The following TBCB variants were observed in gnomAD, a reference collection of about 807,000 sequenced individuals.
The protein encoded by TBCB is tubulin folding cofactor B, also known as tubulin-folding cofactor B.
In TBCB, 18 loss-of-function variants were observed where a neutral mutation model predicts 29.2. That is an observed-to-expected ratio of 0.62 (90% CI 0.43 to 0.91). The LOEUF is 0.91. TBCB is among the 40% of genes least tolerant of loss of function. The pLI is 0.00. For missense variants in TBCB, 336 were observed against 337.6 expected (o/e 1.00, Z 0.04); for synonymous variants, 172 against 137.8 (o/e 1.25, Z -1.74).
At chr19:36,124,004 C>G (rs778392634) in intron 4 of TBCB, among the ~76,000 whole-genome samples, 2 of 152,216 alleles carry the variant, frequency 1.3e-5, no homozygotes, top group African/African-American at 2.4e-5. Flanking sequence ...CTTCCCACAG[C>G]CGCTGCAGCA....
intron 2 of TBCB, chr19:36,117,777 T>C (rs1293783510): frequency 1.3e-5 from 2 of 151,916 alleles, no homozygotes; most frequent in African/African-American, 2.4e-5. Flanking sequence ...TATTTTTTAT[T>C]TTTTTTGAGA....
chr19:36,121,498 C>G (rs994012330), intron 3 of TBCB, 29 bp from the exon 4 acceptor site: 1 of 1,539,568 alleles, frequency 6.5e-7, no homozygotes, highest in African/African-American at 1.4e-5. Flanking sequence ...GCCGACACCC[C>G]AACTGACCCC....
chr19:36,119,597 C>CAA (rs1188592482), intron 2 of TBCB, among the ~76,000 whole-genome samples: 1 of 152,134 alleles, frequency 6.6e-6, no homozygotes, highest in Non-Finnish European at 1.5e-5. Context: ...AGATAAAAAC[C>CAA]AAAGTCTAGG....
At chr19:36,115,211 T>C (rs1409608479), upstream of TBCB, 1 of 536,790 alleles carries the variant, frequency 1.9e-6, no homozygotes, top group East Asian at 3.2e-5. Context: ...CCAGTGCGCA[T>C]GCGCGAGTTT....
rs759711385 is a variant in TBCB, at chr19:36,122,571, CA to C, written c.547+872del. ...GCAACATAATGAGACCCTGTCTCTA[CA>C]AAAAAAAAAAAAAAAAAATCCCACA... On this transcript the variant is annotated intron_variant, in intron 4 of 5. Coordinates refer to ENST00000221855, the MANE Select transcript of TBCB (RefSeq NM_001281.3). Among the ~76,000 whole-genome samples the C allele has an allele frequency of 3.7e-3, 340 of 91,540 alleles. 2 individuals carry two copies. The highest frequency in any genetic ancestry group is 7.6e-3 in the African/African-American group (188 of 24,894). 60.1% of individuals were successfully genotyped at this position (91,540 alleles called of 152,430 possible).
At chr19:36,121,829 G>C (rs1364195079) in intron 4 of TBCB, 111 bp downstream of exon 4, 5 of 1,350,868 alleles carry the variant, frequency 3.7e-6, no homozygotes, top group Non-Finnish European at 4.1e-6. Context: ...GCGCGGGGTT[G>C]GGGGGGACTC....
intron 4 of TBCB, among the ~76,000 whole-genome samples, chr19:36,122,401 T>C (rs1281788014): frequency 6.6e-6 from 1 of 151,294 alleles, no homozygotes; most frequent in African/African-American, 2.4e-5. Context: ...GCTATGATTG[T>C]GTCATTGCAC....
At chr19:36,116,369 G>C (rs1599862321) in intron 2 of TBCB, 185 bp downstream of exon 2, 6 of 727,516 alleles carry the variant, frequency 8.2e-6, no homozygotes, top group East Asian at 3.1e-5. Flanking sequence ...TCTGGGCTGG[G>C]ATCAGGAAAT....
chr19:36,121,894 A>G (rs1370877484), intron 4 of TBCB, 176 bp downstream of exon 4: 9 of 850,938 alleles, frequency 1.1e-5, no homozygotes, highest in Non-Finnish European at 1.6e-5. Context: ...CTGACGGCCC[A>G]GAGTGTTTGT....
intron 4 of TBCB, 40 bp downstream of exon 4, chr19:36,121,758 C>T (rs771802288): frequency 6.5e-7 from 1 of 1,547,618 alleles, no homozygotes; most frequent in Admixed American, 2.0e-5. Context: ...TCCAGGGCTC[C>T]AAGGCCGGGA....
At chr19:36,115,918 A>G (rs1013503994) in intron 1 of TBCB, 123 bp from the exon 2 acceptor site, 140 of 1,410,652 alleles carry the variant, frequency 9.9e-5, no homozygotes, top group Non-Finnish European at 1.3e-4. Flanking sequence ...GAGGGGCTGG[A>G]TTGCGGCCCC....
At chr19:36,115,376 C>T (rs1183228056), upstream of TBCB, 5 of 596,158 alleles carry the variant, frequency 8.4e-6, no homozygotes, top group East Asian at 8.8e-5. Flanking sequence ...TAAGGAGAGC[C>T]CTCTTCCTGG....
chr19:36,123,400 A>G (rs1299944559), intron 4 of TBCB, among the ~76,000 whole-genome samples: 1 of 151,932 alleles, frequency 6.6e-6, no homozygotes, highest in African/African-American at 2.4e-5. Context: ...AGCTGGGAAT[A>G]CAGGTACTCA....
intron 4 of TBCB, chr19:36,121,975 G>A (rs1974062530): frequency 5.2e-6 from 3 of 573,186 alleles, no homozygotes; most frequent in Admixed American, 6.5e-5. Flanking sequence ...GAGGCACGCG[G>A]CCTGTGCGCT....
intron 1 of TBCB, 56 bp from the exon 2 acceptor site, chr19:36,115,985 T>C: frequency 6.3e-7 from 1 of 1,586,028 alleles, no homozygotes; most frequent in South Asian, 1.1e-5. Flanking sequence ...TGGTCATTGA[T>C]GCAAGGGGCG....
At chr19:36,121,939 T>C in intron 4 of TBCB, 1 of 637,686 alleles carries the variant, frequency 1.6e-6, no homozygotes, top group South Asian at 1.9e-5. Context: ...GAGTGATCTG[T>C]CCAGCGAGGG....
At chr19:36,118,677 C>CT (rs1262422130) in intron 2 of TBCB, 1 of 114,922 alleles carries the variant, frequency 8.7e-6, no homozygotes, top group Non-Finnish European at 1.7e-5. Context: ...GAGATCCTAT[C>CT]TTTAAAAAAA....
At chr19:36,115,252 C>T (rs1973925332), upstream of TBCB, 14 of 532,300 alleles carry the variant, frequency 2.6e-5, no homozygotes, top group African/African-American at 3.9e-5. Flanking sequence ...GCTCTTGCCA[C>T]TCCTACCTCC....
At chr19:36,115,993 G>T in intron 1 of TBCB, 48 bp from the exon 2 acceptor site, 1 of 1,596,496 alleles carries the variant, frequency 6.3e-7, no homozygotes, top group Non-Finnish European at 8.6e-7. Flanking sequence ...GATGCAAGGG[G>T]CGGGGCCTCC....
Sources: allele counts gnomAD v4.1 joint callset (sites outside exome capture counted in the v4.1 genomes callset), GRCh38; gene constraint gnomAD v4.1.1; transcripts MANE v1.5; gene names NCBI Gene and HGNC (gene_info 2026-07-23, HGNC 2026-07-21).